The following MAF variants were observed in gnomAD, a reference collection of about 807,000 sequenced individuals.
The protein encoded by MAF is transcription factor Maf.
Under a neutral mutation model 22.0 loss-of-function variants are expected in MAF, and 10 were observed. The ratio of observed to expected loss-of-function variants is 0.45; its 90% CI spans 0.28 to 0.77. The LOEUF is 0.77. Among genes scored for constraint, MAF ranks in the 30% least tolerant of loss-of-function variants. The pLI, the probability that MAF is intolerant of heterozygous loss-of-function variation, is 0.12. For synonymous variants in MAF, 337 were observed against 255.8 expected, an observed-to-expected ratio of 1.32 and a Z score of -3.03; for missense variants, 544 against 548.4, an observed-to-expected ratio of 0.99 and a Z score of 0.08.
At chr16:79,233,208 C>T in the MAF span, among the ~76,000 whole-genome samples, 1 of 151,980 alleles carries the variant, frequency 6.6e-6, no homozygotes, top group Non-Finnish European at 1.5e-5. Context: ...TTGACTAACT[C>T]ATGGGAATAT....
the MAF span, among the ~76,000 whole-genome samples, chr16:79,363,907 G>T: frequency 3.3e-3 from 498 of 152,282 alleles, 2 homozygotes; most frequent in Non-Finnish European, 5.1e-3. Context: ...TCAGTGTAAG[G>T]GTAGTTGAGT....
chr16:79,561,317 T>A, the MAF span, among the ~76,000 whole-genome samples: 3 of 102,220 alleles, frequency 2.9e-5, no homozygotes, highest in Admixed American at 9.0e-5. Flanking sequence ...TTTTCTTTCT[T>A]TTTTTTTTTT....
chr16:79,206,925 C>T, the MAF span, among the ~76,000 whole-genome samples: 1 of 152,062 alleles, frequency 6.6e-6, no homozygotes, highest in Non-Finnish European at 1.5e-5. Context: ...GAACAAGTGG[C>T]CTTTTGGAGC....
the MAF span, among the ~76,000 whole-genome samples, chr16:79,292,864 C>T: frequency 5.9e-5 from 9 of 152,154 alleles, no homozygotes; most frequent in South Asian, 1.9e-3. Flanking sequence ...TAAAGACACT[C>T]CCATCAGCAC....
chr16:79,574,340 A>G, the MAF span, among the ~76,000 whole-genome samples: 1 of 152,252 alleles, frequency 6.6e-6, no homozygotes, highest in Non-Finnish European at 1.5e-5. Context: ...TGACAAATAA[A>G]TAAATATTTT....
At chr16:79,337,787 A>C in the MAF span, among the ~76,000 whole-genome samples, 1 of 152,208 alleles carries the variant, frequency 6.6e-6, no homozygotes, top group Non-Finnish European at 1.5e-5. Flanking sequence ...CCTATCGGAC[A>C]GTGCTCTGTA....
the MAF span, among the ~76,000 whole-genome samples, chr16:79,348,846 G>C: frequency 5.9e-5 from 9 of 152,116 alleles, no homozygotes; most frequent in South Asian, 2.1e-4. Flanking sequence ...ATCCATTCTC[G>C]AGGGGCTAAA....
the MAF span, among the ~76,000 whole-genome samples, chr16:79,557,750 T>C: frequency 6.6e-6 from 1 of 152,032 alleles, no homozygotes; most frequent in African/African-American, 2.4e-5. Context: ...ATTCAACTCA[T>C]ATGTGTTAAG....
At chr16:79,284,623 A>C in the MAF span, among the ~76,000 whole-genome samples, 1 of 152,240 alleles carries the variant, frequency 6.6e-6, no homozygotes. Flanking sequence ...GATAATAATA[A>C]TGTTAGTCAT....
the MAF span, among the ~76,000 whole-genome samples, chr16:79,287,199 T>A: frequency 6.6e-6 from 1 of 150,880 alleles, no homozygotes; most frequent in Admixed American, 6.6e-5. Flanking sequence ...TTGCAGCCCA[T>A]ATTCCACTGC....
the MAF span, among the ~76,000 whole-genome samples, chr16:79,236,370 G>C: frequency 6.6e-6 from 1 of 151,838 alleles, no homozygotes; most frequent in Non-Finnish European, 1.5e-5. Context: ...GCTCCTGTAC[G>C]TCCTCCAAGA....
chr16:79,377,526 G>A, the MAF span, among the ~76,000 whole-genome samples: 35 of 152,308 alleles, frequency 2.3e-4, no homozygotes, highest in South Asian at 1.2e-3. Context: ...GAGCTCTTTC[G>A]TTTAATTAGA....
At chr16:79,396,098 A>G in the MAF span, among the ~76,000 whole-genome samples, 1 of 152,326 alleles carries the variant, frequency 6.6e-6, no homozygotes, top group Middle Eastern at 3.4e-3. Flanking sequence ...CAAATCCCTT[A>G]TGCGTAGAGG....
the MAF span, among the ~76,000 whole-genome samples, chr16:79,310,680 C>G: frequency 6.6e-6 from 1 of 152,132 alleles, no homozygotes; most frequent in African/African-American, 2.4e-5. Context: ...TGGGGGCTCG[C>G]CTTGGTGAAT....
At chr16:79,249,361 G>A in the MAF span, among the ~76,000 whole-genome samples, 1 of 151,436 alleles carries the variant, frequency 6.6e-6, no homozygotes, top group Non-Finnish European at 1.5e-5. Context: ...GGAGGTTGTG[G>A]TGAGCCAAGA....
chr16:79,456,142 T>C, the MAF span, among the ~76,000 whole-genome samples: 2 of 152,198 alleles, frequency 1.3e-5, no homozygotes, highest in Non-Finnish European at 2.9e-5. Context: ...ATCTGCAATG[T>C]GCTTGCCTAC....
the MAF span, among the ~76,000 whole-genome samples, chr16:79,254,028 GT>G: frequency 3.9e-3 from 524 of 134,730 alleles, 7 homozygotes; most frequent in Admixed American, 0.025. Flanking sequence ...ATCTTTTTTT[GT>G]TTTTTTTTTT....
chr16:79,270,321 A>T, the MAF span, among the ~76,000 whole-genome samples: 171 of 152,092 alleles, frequency 1.1e-3, no homozygotes, highest in Admixed American at 2.0e-3. Context: ...GCTGTGTGTG[A>T]TATATTTCTT....
chr16:79,598,268 A>G, intron 1 of MAF: 1 of 1,070,914 alleles, frequency 9.3e-7, no homozygotes, highest in Non-Finnish European at 1.1e-6. Context: ...TAAAATTAAA[A>G]AAAAAAATCC....
Sources: gnomAD v4.1 joint callset for allele counts (sites outside exome capture counted in the v4.1 genomes callset) on GRCh38, gnomAD v4.1.1 for gene constraint, MANE v1.5 for transcripts, NCBI Gene and HGNC (gene_info 2026-07-23, HGNC 2026-07-21) for gene names.